Variants in SNCAIP observed in about 807,000 individuals in gnomAD.
The protein encoded by SNCAIP is synuclein alpha interacting protein.
Under a neutral mutation model 86.7 loss-of-function variants are expected in SNCAIP, and 43 were observed. That is an observed-to-expected ratio of 0.50 (90% CI 0.39 to 0.64). The LOEUF (loss-of-function observed/expected upper bound fraction) is 0.64. Among genes scored for constraint, SNCAIP ranks in the 30% least tolerant of loss-of-function variants. The pLI is 0.00. For missense variants in SNCAIP, 981 were observed against 1,103.1 expected, an observed-to-expected ratio of 0.89 and a Z score of 1.57; for synonymous variants, 417 against 427.2, an observed-to-expected ratio of 0.98 and a Z score of 0.29.
chr5:122,429,310 C>T (rs1279096979), intron 5 of SNCAIP, among the ~76,000 whole-genome samples: 3 of 149,176 alleles, frequency 2.0e-5, no homozygotes, highest in Admixed American at 2.0e-4. Context: ...AAATCCAAAG[C>T]AAGCAGAAGG....
At chr5:122,391,885 G>T (rs986059294) in intron 2 of SNCAIP, among the ~76,000 whole-genome samples, 11 of 152,172 alleles carry the variant, frequency 7.2e-5, no homozygotes, top group African/African-American at 2.7e-4. Context: ...AATCAATTCT[G>T]CTACGCTAGC....
intron 6 of SNCAIP, among the ~76,000 whole-genome samples, chr5:122,439,375 G>T (rs1780277176): frequency 1.3e-5 from 2 of 152,136 alleles, no homozygotes; most frequent in Admixed American, 1.3e-4. Flanking sequence ...TTCTTAGAAG[G>T]CTGTAGGCAT....
At chr5:122,458,385 G>T (rs1359832455) in intron 10 of SNCAIP, among the ~76,000 whole-genome samples, 1 of 151,890 alleles carries the variant, frequency 6.6e-6, no homozygotes, top group South Asian at 2.1e-4. Context: ...CAGAGATCCA[G>T]TTTTGAATTG....
chr5:122,391,583 C>A (rs1561651539), intron 2 of SNCAIP, among the ~76,000 whole-genome samples: 1 of 152,226 alleles, frequency 6.6e-6, no homozygotes, highest in East Asian at 1.9e-4. Flanking sequence ...TAAAGAATAG[C>A]CAAGTTGGAA....
intron 4 of SNCAIP, 117 bp downstream of exon 4, chr5:122,423,856 C>T (rs1157185860): frequency 1.1e-6 from 1 of 924,554 alleles, no homozygotes; most frequent in Non-Finnish European, 1.6e-6. Flanking sequence ...TTAATCTTTA[C>T]TTGTGGCTTT....
chr5:122,446,617 A>G (rs1050366126), intron 8 of SNCAIP, among the ~76,000 whole-genome samples: 2 of 152,230 alleles, frequency 1.3e-5, no homozygotes, highest in African/African-American at 4.8e-5. Context: ...AAGATGAACT[A>G]AGAGAGGCTA....
At chr5:122,363,492 A>G (rs1178255770) in intron 1 of SNCAIP, among the ~76,000 whole-genome samples, 1 of 152,066 alleles carries the variant, frequency 6.6e-6, no homozygotes, top group African/African-American at 2.4e-5. Flanking sequence ...GATGGTTGAT[A>G]TTGCCTCCCC....
Position 122,362,993 on chromosome 5 carries a change from A to ATTTT in SNCAIP, c.-46-28079_-46-28076dup, listed in dbSNP as rs769726232. 2.2e-3 allele frequency among the ~76,000 whole-genome samples: 250 copies of ATTTT among 113,946 alleles called. 4 individuals carry two copies. Among genetic ancestry groups the ATTTT allele is most frequent in the African/African-American group, 7.7e-3 (233 of 30,414 alleles). The allele number at this position is 113,946 out of a possible 152,430, so 74.8% of individuals were successfully genotyped here. A position where few individuals can be genotyped will look rare whatever the true frequency, so the allele number is the denominator to read the frequency against. ...TTCCAGGTCAGGTATCATAAATTCT[A>ATTTT]TTTTTTTTTTTTTTTTTTTTGAGAT... On this transcript the variant is annotated intron_variant, in intron 1 of 10. Transcript: ENST00000261368.
intron 1 of SNCAIP, among the ~76,000 whole-genome samples, chr5:122,376,250 ATGCTGCTGTTGTGTC>A (rs1765291191): frequency 6.6e-6 from 1 of 152,172 alleles, no homozygotes; most frequent in Non-Finnish European, 1.5e-5. Context: ...GATCCCATGC[ATGCTGCTGTTGTGTC>A]TGCTTCTCTC....
chr5:122,426,808 C>CT (rs1475902278), intron 5 of SNCAIP, among the ~76,000 whole-genome samples: 1 of 151,940 alleles, frequency 6.6e-6, no homozygotes, highest in East Asian at 2.0e-4. Context: ...AAAGATAAGT[C>CT]AAATGTAAAG....
intron 1 of SNCAIP, among the ~76,000 whole-genome samples, chr5:122,372,453 T>C (rs1050147394): frequency 6.6e-6 from 1 of 152,170 alleles, no homozygotes; most frequent in African/African-American, 2.4e-5. Context: ...GCTTTGATAG[T>C]ATAGGACAGG....
rs75030949 is a variant in SNCAIP at position 122,386,045 on chromosome 5, G to A, written c.-46-5044G>A. 9.1e-3 allele frequency among the ~76,000 whole-genome samples: 1,378 copies of A among 152,252 alleles called. 23 individuals are homozygous for A. The highest frequency in any genetic ancestry group is 0.031 in the African/African-American group (1,299 of 41,530). On this transcript the variant is annotated intron_variant, in intron 1 of 10. Coordinates refer to ENST00000261368, the MANE Select transcript of SNCAIP (RefSeq NM_005460.4). ...TATGTGACTGTAGTCACAAATCAAT[G>A]TGCCTTTTATGAGCCAAGCACACCA... is the stretch of plus-strand genomic sequence containing the variant.
chr5:122,316,304 T>C lies in SNCAIP; in HGVS notation c.-47+4020T>C, dbSNP rs923680091. Among the ~76,000 whole-genome samples, 9 of 152,192 alleles carry C rather than the reference T, an allele frequency of 5.9e-5. 1 individual carries two copies. Among genetic ancestry groups the C allele is most frequent in the Admixed American group, 4.6e-4 (7 of 15,274 alleles). On this transcript the variant is annotated intron_variant, in intron 1 of 10. Coordinates refer to ENST00000261368, the MANE Select transcript of SNCAIP (RefSeq NM_005460.4). ...GAATGCTCTTCCCTTAAACTAAGCA[T>C]ACCAGGCAAGAGAACACCTTTGACT... is the stretch of plus-strand genomic sequence containing the variant.
rs992411336 is a variant in SNCAIP, at chr5:122,386,719, C to G, written c.-46-4370C>G. 3.9e-5 allele frequency among the ~76,000 whole-genome samples: 6 copies of G among 152,086 alleles called. 1 individual carries two copies. Among genetic ancestry groups the G allele is most frequent in the Admixed American group, 3.3e-4 (5 of 15,262 alleles). On this transcript the variant is annotated intron_variant, in intron 1 of 10. Transcript: ENST00000261368. ...TCTAATCTGTTTCTTCTTTCCCTCTCTATCAGTTTTCCTACCCAAATTGGG... is the reference window on the plus strand; with the variant it reads ...TCTAATCTGTTTCTTCTTTCCCTCTGTATCAGTTTTCCTACCCAAATTGGG...
chr5:122,448,933 G>A lies in SNCAIP; in HGVS notation c.1593-912G>A, dbSNP rs891478736. Reference sequence around the variant, plus strand: ...CGGGAGGCTGAGGCAGGAGAATGGCGTGAACCCGGGAGGCGGAGCTTCCAG... The same window carrying A: ...CGGGAGGCTGAGGCAGGAGAATGGCATGAACCCGGGAGGCGGAGCTTCCAG... On this transcript the variant is annotated intron_variant, in intron 8 of 10. Transcript: ENST00000261368. Among the ~76,000 whole-genome samples, 254 of 150,366 alleles carry A rather than the reference G, an allele frequency of 1.7e-3. 1 individual carries two copies. Among genetic ancestry groups the A allele is most frequent in the African/African-American group, 5.2e-3 (215 of 41,010 alleles).
intron 1 of SNCAIP, among the ~76,000 whole-genome samples, chr5:122,367,433 T>G (rs1372876844): frequency 6.6e-6 from 1 of 152,160 alleles, no homozygotes; most frequent in Non-Finnish European, 1.5e-5. Flanking sequence ...AGAGTTTGGA[T>G]AAGACGAGAG....
intron 1 of SNCAIP, among the ~76,000 whole-genome samples, chr5:122,338,444 G>C (rs1052984007): frequency 6.6e-6 from 1 of 152,056 alleles, no homozygotes; most frequent in African/African-American, 2.4e-5. Context: ...CCCTAAATTG[G>C]ATTATCACTG....
At chr5:122,359,402 C>T (rs955442984) in intron 1 of SNCAIP, among the ~76,000 whole-genome samples, 7 of 143,110 alleles carry the variant, frequency 4.9e-5, no homozygotes, top group Admixed American at 1.4e-4. Flanking sequence ...CTTGCTCTGT[C>T]GCTCAGGCTG....
At chr5:122,385,201 C>T (rs1326744503) in intron 1 of SNCAIP, among the ~76,000 whole-genome samples, 1 of 152,174 alleles carries the variant, frequency 6.6e-6, no homozygotes. Context: ...TTGTTTGTCT[C>T]CCCTGGTACC....
Sources: allele counts gnomAD v4.1 joint callset (sites outside exome capture counted in the v4.1 genomes callset), GRCh38; gene constraint gnomAD v4.1.1; transcripts MANE v1.5; gene names NCBI Gene and HGNC (gene_info 2026-07-23, HGNC 2026-07-21).